Variants in EMC8 observed in about 807,000 individuals in gnomAD.
EMC8 encodes the protein COX4 neighbor.
Under a neutral mutation model 24.3 loss-of-function variants are expected in EMC8, and 11 were observed. That is an observed-to-expected ratio of 0.45 (90% CI 0.28 to 0.75). The LOEUF (loss-of-function observed/expected upper bound fraction) is 0.75, where lower values mean the gene tolerates loss of function less well. Ranked by LOEUF, EMC8 falls within the 30% of genes least tolerant of loss-of-function variation. The pLI is 0.12. For synonymous variants in EMC8, 145 were observed against 117.7 expected, an observed-to-expected ratio of 1.23 and a Z score of -1.50; for missense variants, 277 against 282.7, an observed-to-expected ratio of 0.98 and a Z score of 0.14.
Position 85,799,465 on chromosome 16 carries a change from C to G in EMC8, c.-170G>C. ...GCCCGGCCCCGTTTGGGCCTCGGCT[C>G]CTGGAAAAGCGACTCGCGCCTCTGG... On this transcript the variant is annotated 5_prime_UTR_variant, in exon 1 of 5. Coordinates refer to ENST00000253457, the MANE Select transcript of EMC8 (RefSeq NM_006067.5). The surrounding 1 kb of genome is among the most constrained non-coding windows in gnomAD (Gnocchi z 4.2). 2.5e-6 allele frequency: 1 copy of G among 405,224 alleles called. No homozygotes were observed. The highest frequency in any genetic ancestry group is 4.3e-6 in the Non-Finnish European group (1 of 232,310). The allele number at this position is 405,224 out of a possible 1,614,324, so 25.1% of individuals were successfully genotyped here. A position where few individuals can be genotyped will look rare whatever the true frequency, so the allele number is the denominator to read the frequency against.
chr16:85,779,682 C>T lies in EMC8; in HGVS notation c.*26G>A, dbSNP rs749623540. On this transcript the variant is annotated 3_prime_UTR_variant, in exon 5 of 5. Transcript: ENST00000253457. Reference sequence around the variant, plus strand: ...TCTTCTTCAACGTAGTGGAAAGGCCCGGAGCCCAGTCACAGCGGTGCCTGC... The same window carrying T: ...TCTTCTTCAACGTAGTGGAAAGGCCTGGAGCCCAGTCACAGCGGTGCCTGC... The T allele has an allele frequency of 1.8e-5, 29 of 1,610,498 alleles. No homozygotes were observed. In the Admixed American group the frequency reaches 2.0e-4, roughly 11 times the overall value.
chr16:85,784,435 T>G (rs1904655546), intron 2 of EMC8: 1 of 152,260 alleles, frequency 6.6e-6, no homozygotes, highest in African/African-American at 2.4e-5. Flanking sequence ...CAAATTATTT[T>G]ATATGATTAT....
intron 1 of EMC8, among the ~76,000 whole-genome samples, chr16:85,794,302 C>T (rs1207914797): frequency 6.6e-6 from 1 of 152,166 alleles, no homozygotes; most frequent in East Asian, 1.9e-4. Flanking sequence ...AAATTTTCCC[C>T]TGTAACTTTC....
chr16:85,793,301 C>T (rs2152076214), intron 1 of EMC8, among the ~76,000 whole-genome samples: 1 of 152,356 alleles, frequency 6.6e-6, no homozygotes, highest in South Asian at 2.1e-4. Context: ...TGAGGGTAAC[C>T]TGCTGAGCCT....
intron 2 of EMC8, chr16:85,787,657 C>G (rs899873674): frequency 6.6e-6 from 1 of 152,198 alleles, no homozygotes; most frequent in African/African-American, 2.4e-5. Context: ...GGCGGAGAGG[C>G]CAGTGCTGCT....
In EMC8 at chr16:85,780,433, G is replaced by A. The variant is rs1215821424; in HGVS notation, c.419C>T (p.Thr140Met). 5.6e-6 allele frequency: 9 copies of A among 1,614,166 alleles called. No homozygotes were observed. The highest frequency in any genetic ancestry group is 1.1e-5 in the South Asian group (1 of 91,080). Residue 140 changes from threonine to methionine, a missense_variant, in exon 4 of 5, where the codon ACG (threonine) becomes ATG (methionine). Transcript: ENST00000253457. ...CTCATGGTGCTCGTACACGTGGATCGTAGGCGCTACGCAGTCCATCGTAAA... is the reference window on the plus strand; with the variant it reads ...CTCATGGTGCTCGTACACGTGGATCATAGGCGCTACGCAGTCCATCGTAAA... ...TKFTMDCVAP[T>M]IHVYEHHENR...
intron 2 of EMC8, among the ~76,000 whole-genome samples, chr16:85,787,333 T>G (rs1051803670): frequency 6.6e-6 from 1 of 151,926 alleles, no homozygotes; most frequent in African/African-American, 2.4e-5. Context: ...ACTTCTGGGA[T>G]CATCCTACCA....
In EMC8 at chr16:85,780,319, C is replaced by G. The variant is rs878970180; in HGVS notation, c.473+60G>C. 1.2e-5 allele frequency: 15 copies of G among 1,232,864 alleles called. No individual in the cohort carries two copies. The South Asian group carries it at 1.6e-4, about 13-fold the overall frequency. The allele number at this position is 1,232,864 out of a possible 1,614,324, so 76.4% of individuals were successfully genotyped here. The stretch of plus-strand genomic sequence containing the variant: ...GAAAACACAGGCGGGGTGAGAGTGG[C>G]TCTCACGTGGCCGGGCGCTGAAGGA... On this transcript the variant is annotated intron_variant, in intron 4 of 4. Transcript: ENST00000253457.
At chr16:85,792,978 C>CA (rs1347340712) in intron 1 of EMC8, 2 of 152,224 alleles carry the variant, frequency 1.3e-5, no homozygotes, top group African/African-American at 4.8e-5. Flanking sequence ...CTGATATAGA[C>CA]ACCTTCCGCA....
chr16:85,794,061 G>A (rs1905139819), intron 1 of EMC8, among the ~76,000 whole-genome samples: 1 of 152,128 alleles, frequency 6.6e-6, no homozygotes, highest in African/African-American at 2.4e-5. Flanking sequence ...CCAATAGGAA[G>A]CTCTCTGAAT....
At chr16:85,781,603 GTTTTTTTTTGCTTTTTTTT>G (rs1904503205) in intron 2 of EMC8, 1 of 110,920 alleles carries the variant, frequency 9.0e-6, no homozygotes, top group Non-Finnish European at 1.8e-5. Context: ...ACTTTTTAGT[GTTTTTTTTTGCTTTTTTTT>G]TTTTTTTTTG....
At chr16:85,783,910 C>G (rs1567827403) in intron 2 of EMC8, among the ~76,000 whole-genome samples, 1 of 152,258 alleles carries the variant, frequency 6.6e-6, no homozygotes, top group Non-Finnish European at 1.5e-5. Flanking sequence ...GAGTCCATGG[C>G]ACGTGCTGCT....
chr16:85,788,786 G>A, intron 2 of EMC8, 188 bp downstream of exon 2: 1 of 598,902 alleles, frequency 1.7e-6, no homozygotes, highest in East Asian at 2.9e-5. Flanking sequence ...AAAGTTAATA[G>A]AAATGTTTGG....
At chr16:85,788,344 C>A (rs930876123) in intron 2 of EMC8, among the ~76,000 whole-genome samples, 1 of 152,368 alleles carries the variant, frequency 6.6e-6, no homozygotes, top group African/African-American at 2.4e-5. Flanking sequence ...ACCCCCTGTG[C>A]GTTATCTACG....
At chr16:85,796,189 C>T (rs573416735) in intron 1 of EMC8, among the ~76,000 whole-genome samples, 1 of 152,110 alleles carries the variant, frequency 6.6e-6, no homozygotes, top group Admixed American at 6.6e-5. Flanking sequence ...ACTTAACATA[C>T]CCCAAACAGA....
At chr16:85,780,618 C>T (rs556427369) in intron 3 of EMC8, 145 bp from the exon 4 acceptor site, 43 of 636,608 alleles carry the variant, frequency 6.8e-5, no homozygotes, top group South Asian at 4.6e-4. Context: ...CAGAGTGGCG[C>T]GAGTGTCTGG....
At chr16:85,794,486 C>G (rs952650167) in intron 1 of EMC8, among the ~76,000 whole-genome samples, 1 of 152,046 alleles carries the variant, frequency 6.6e-6, no homozygotes. Flanking sequence ...CTCAGGAGAT[C>G]GAGACCCGCC....
At chr16:85,781,339 G>C in intron 2 of EMC8, 59 bp from the exon 3 acceptor site, 1 of 1,122,376 alleles carries the variant, frequency 8.9e-7, no homozygotes, top group East Asian at 2.4e-5. Context: ...GTTTACAAAA[G>C]GCACAGTCAA....
chr16:85,786,767 A>T (rs1904773180), intron 2 of EMC8, among the ~76,000 whole-genome samples: 3 of 152,230 alleles, frequency 2.0e-5, no homozygotes, highest in African/African-American at 7.2e-5. Flanking sequence ...GGAGAGCAGG[A>T]AAACTGTGTC....
Sources: allele counts gnomAD v4.1 joint callset (sites outside exome capture counted in the v4.1 genomes callset), GRCh38; gene constraint gnomAD v4.1.1; non-coding constraint Gnocchi (gnomAD v3.1); transcripts MANE v1.5; gene names NCBI Gene and HGNC (gene_info 2026-07-23, HGNC 2026-07-21).